TRPV2: variants seen among roughly 807,000 people sequenced by gnomAD.
TRPV2 encodes transient receptor potential cation channel subfamily V member 2.
In TRPV2, 58 loss-of-function variants were observed where a neutral mutation model predicts 91.0. The ratio of observed to expected loss-of-function variants is 0.64; its 90% CI spans 0.52 to 0.79. TRPV2 has a LOEUF of 0.79. Among genes scored for constraint, TRPV2 ranks in the 30% least tolerant of loss-of-function variants. TRPV2 has a pLI of 0.00. For synonymous variants in TRPV2, 417 were observed against 414.8 expected, an observed-to-expected ratio of 1.01 and a Z score of -0.06; for missense variants, 807 against 969.6, an observed-to-expected ratio of 0.83 and a Z score of 2.23.
chr17:16,423,557 G>A lies in TRPV2; in HGVS notation c.714G>A (p.Leu238=). The A allele has an allele frequency of 6.2e-7, 1 of 1,614,172 alleles. No individual in the cohort carries two copies. The highest frequency in any genetic ancestry group is 1.7e-5 in the Admixed American group (1 of 60,020). Reference sequence around the variant, plus strand: ...AGAACCCACACCAGCCCGCCAGCCTGCAGGCCACTGACTCCCAGGGCAACA... The same window carrying A: ...AGAACCCACACCAGCCCGCCAGCCTACAGGCCACTGACTCCCAGGGCAACA... ...LLENPHQPAS[L]QATDSQGNTV... Residue 238 remains leucine, a synonymous_variant, in exon 5 of 15, where the codon CTG becomes CTA. Transcript: ENST00000338560.
At chr17:16,427,845 C>A (rs2093391083) in intron 8 of TRPV2, among the ~76,000 whole-genome samples, 1 of 152,184 alleles carries the variant, frequency 6.6e-6, no homozygotes, top group African/African-American at 2.4e-5. Context: ...GGCCCCTCGG[C>A]TGGGAAGCTC....
intron 10 of TRPV2, among the ~76,000 whole-genome samples, chr17:16,430,319 A>C (rs4792744): frequency 0.38 from 57,517 of 151,848 alleles, 11,213 homozygotes; most frequent in Non-Finnish European, 0.4. Flanking sequence ...CCCTTCCCCC[A>C]GTCCCTGGAA....
At position 16,427,476 on chromosome 17, in the gene TRPV2, G is replaced by A. The variant is rs1445023068; in HGVS notation, c.1279G>A (p.Val427Ile). The change falls in exon 8 of 15, where the codon GTT becomes ATT. Residue 427 changes from valine (V) to isoleucine (I), a missense_variant. Transcript: ENST00000338560. ...KQAAPHLKAE[V>I]GNSMLLTGHI... ...GGCCGCCCCTCACCTGAAAGCGGAG[G>A]TTGGAAACTCCATGCTGCTGACGGG... The A allele has an allele frequency of 6.2e-7, 1 of 1,613,896 alleles. No homozygotes were observed. The highest frequency in any genetic ancestry group is 1.1e-5 in the South Asian group (1 of 91,074).
intron 3 of TRPV2, among the ~76,000 whole-genome samples, chr17:16,422,322 CAAAA>C (rs5819570): frequency 1.1e-5 from 1 of 92,764 alleles, no homozygotes; most frequent in Non-Finnish European, 2.2e-5. Flanking sequence ...GACTCTGTCT[CAAAA>C]AAAAAAAAAA....
At chr17:16,416,556 G>C (rs1052223128) in intron 1 of TRPV2, 3 of 153,112 alleles carry the variant, frequency 2.0e-5, no homozygotes, top group Non-Finnish European at 2.9e-5. Context: ...GCGTGGTGGA[G>C]AGAGCCTGGG....
intron 1 of TRPV2, among the ~76,000 whole-genome samples, chr17:16,417,032 G>A (rs1431722004): frequency 2.6e-5 from 4 of 152,086 alleles, no homozygotes; most frequent in South Asian, 2.1e-4. Context: ...AGGAAAAGTC[G>A]GGGACAGTCA....
At chr17:16,428,792 C>T (rs368254216) in intron 9 of TRPV2, 25 bp from the exon 10 acceptor site, 120 of 1,612,046 alleles carry the variant, frequency 7.4e-5, no homozygotes, top group Middle Eastern at 6.3e-4. Context: ...GCCCGCAAGC[C>T]CACCTGGATT....
At position 16,417,823 on chromosome 17, in the gene TRPV2, C is replaced by T; in HGVS notation, c.155C>T (p.Pro52Leu). 1 of 1,614,208 alleles carries T rather than the reference C, an allele frequency of 6.2e-7. No individual in the cohort carries two copies. Among genetic ancestry groups the T allele is most frequent in the East Asian group, 2.2e-5 (1 of 44,872 alleles). Residue 52 changes from proline (P) to leucine (L), a missense_variant, in exon 2 of 15, where the codon CCT becomes CTT. By Grantham distance (98) the Pro-to-Leu change is moderately conservative. Coordinates refer to ENST00000338560, the MANE Select transcript of TRPV2 (RefSeq NM_016113.5). ...CAGGGCGAGGACCGGAAATTCGCCC[C>T]TCAGATAAGAGTCAACCTCAACTAC... ...QFQGEDRKFA[P>L]QIRVNLNYRK...
chr17:16,434,446 C>T (rs1435105717), intron 13 of TRPV2, among the ~76,000 whole-genome samples: 1 of 131,752 alleles, frequency 7.6e-6, no homozygotes. Flanking sequence ...CCAGCCTGGG[C>T]GACAGAGCGA....
intron 14 of TRPV2, among the ~76,000 whole-genome samples, chr17:16,436,335 C>G (rs2093433830): frequency 6.6e-6 from 1 of 152,228 alleles, no homozygotes; most frequent in South Asian, 2.1e-4. Context: ...CCAAAGCTGT[C>G]TAACTCACTC....
In TRPV2 at chr17:16,426,285, C is replaced by T. The variant is rs759936066; in HGVS notation, c.1095+16C>T. Reference sequence around the variant, plus strand: ...CAAGAGCCCGGTGAGCCCACAGGAGCATGGGTGCACGCAGAGGACCCAGCA... The same window carrying T: ...CAAGAGCCCGGTGAGCCCACAGGAGTATGGGTGCACGCAGAGGACCCAGCA... On this transcript the variant is annotated intron_variant, in intron 6 of 14. Transcript: ENST00000338560. The surrounding 1 kb of genome is among the most constrained non-coding windows in gnomAD (Gnocchi z 6.0). 3 of 1,613,644 alleles carry T rather than the reference C, an allele frequency of 1.9e-6. No individual in the cohort carries two copies. The highest frequency in any genetic ancestry group is 2.2e-5 in the South Asian group (2 of 91,030).
At position 16,423,599 on chromosome 17, in the gene TRPV2, A is replaced by G; in HGVS notation, c.756A>G (p.Leu252=). The G allele has an allele frequency of 6.2e-7, 1 of 1,614,216 alleles. No homozygotes were observed. The highest frequency in any genetic ancestry group is 1.1e-5 in the South Asian group (1 of 91,084). The change falls in exon 5 of 15, where the codon CTA becomes CTG. Residue 252 remains leucine, a synonymous_variant. Coordinates refer to ENST00000338560, the MANE Select transcript of TRPV2 (RefSeq NM_016113.5). ...AGGGCAACACAGTCCTGCATGCCCTAGTGATGATCTCGGACAACTCAGCTG... is the reference window on the plus strand; with the variant it reads ...AGGGCAACACAGTCCTGCATGCCCTGGTGATGATCTCGGACAACTCAGCTG... The part of the protein sequence containing the change: ...DSQGNTVLHA[L]VMISDNSAEN...
At chr17:16,424,503 C>T (rs950003185) in intron 5 of TRPV2, among the ~76,000 whole-genome samples, 1 of 151,710 alleles carries the variant, frequency 6.6e-6, no homozygotes, top group Non-Finnish European at 1.5e-5. Context: ...ACCATGTTGG[C>T]CAGGCTGGTC....
At position 16,432,001 on chromosome 17, in the gene TRPV2, G is replaced by C; in HGVS notation, c.1690G>C (p.Glu564Gln). Residue 564 changes from glutamate (E) to glutamine (Q), a missense_variant, in exon 12 of 15, where the codon GAA becomes CAA. Physicochemically the swap from Glu to Gln is conservative, Grantham distance 29. Coordinates refer to ENST00000338560, the MANE Select transcript of TRPV2 (RefSeq NM_016113.5). ...CCTGAGCCAGGAGGCTTGGCGCCCCGAAGCTCCTACAGGCCCCAATGCCAC... is the reference window on the plus strand; with the variant it reads ...CCTGAGCCAGGAGGCTTGGCGCCCCCAAGCTCCTACAGGCCCCAATGCCAC... ...VSLSQEAWRP[E>Q]APTGPNATES... 1 of 1,606,640 alleles carries C rather than the reference G, an allele frequency of 6.2e-7. No homozygotes were observed. The highest frequency in any genetic ancestry group is 8.5e-7 in the Non-Finnish European group (1 of 1,174,660).
intron 4 of TRPV2, 26 bp downstream of exon 4, chr17:16,422,915 C>T (rs780828983): frequency 8.4e-6 from 13 of 1,547,926 alleles, no homozygotes; most frequent in East Asian, 4.9e-5. Flanking sequence ...TTGGATAAAT[C>T]GAGGCAAAGA....
intron 3 of TRPV2, 61 bp from the exon 4 acceptor site, chr17:16,422,538 G>T: frequency 6.5e-7 from 1 of 1,548,044 alleles, no homozygotes; most frequent in Non-Finnish European, 8.8e-7. Flanking sequence ...GAGCTATCGG[G>T]CAGCCCAGCC....
intron 5 of TRPV2, among the ~76,000 whole-genome samples, chr17:16,425,359 G>C (rs1285008689): frequency 6.6e-6 from 1 of 152,172 alleles, no homozygotes; most frequent in Non-Finnish European, 1.5e-5. Context: ...GCTTTGACTA[G>C]CTGGAAGTTA....
chr17:16,433,818 A>G, intron 13 of TRPV2, 120 bp downstream of exon 13: 1 of 1,420,066 alleles, frequency 7.0e-7, no homozygotes, highest in South Asian at 1.3e-5. Flanking sequence ...AGGCCCAAAG[A>G]GCACCAGGGA....
chr17:16,419,632 T>C (rs2093347103), intron 2 of TRPV2, among the ~76,000 whole-genome samples: 3 of 152,174 alleles, frequency 2.0e-5, no homozygotes, highest in African/African-American at 7.2e-5. Context: ...CTGTAGTTAA[T>C]AGATGGTTTC....
Sources: allele counts gnomAD v4.1 joint callset (sites outside exome capture counted in the v4.1 genomes callset), GRCh38; gene constraint gnomAD v4.1.1; non-coding constraint Gnocchi (gnomAD v3.1); transcripts MANE v1.5; gene names NCBI Gene and HGNC (gene_info 2026-07-23, HGNC 2026-07-21).